Variants in FGGY observed in about 807,000 individuals in gnomAD.
FGGY encodes the protein FGGY carbohydrate kinase domain-containing protein.
Under a neutral mutation model 71.3 loss-of-function variants are expected in FGGY, and 72 were observed. The ratio of observed to expected loss-of-function variants is 1.01; its 90% CI spans 0.84 to 1.23. The LOEUF (loss-of-function observed/expected upper bound fraction) is 1.23, where lower values mean the gene tolerates loss of function less well. Among genes scored for constraint, FGGY ranks in the 50% most tolerant of loss-of-function variants. The probability of loss-of-function intolerance (pLI) is 0.00; values close to 1 mark genes in which losing one functional copy is unlikely to be tolerated. For synonymous variants in FGGY, 251 were observed against 250.3 expected (o/e 1.00, Z -0.02); for missense variants, 668 against 682.3 (o/e 0.98, Z 0.23).
At chr1:59,418,720 TTG>T (rs1342393511) in intron 5 of FGGY, among the ~76,000 whole-genome samples, 3 of 151,584 alleles carry the variant, frequency 2.0e-5, no homozygotes, top group Non-Finnish European at 2.9e-5. Context: ...TTTTCTTTTT[TTG>T]TGTGTGTGTG....
intron 3 of FGGY, among the ~76,000 whole-genome samples, chr1:59,343,696 C>T (rs1465745794): frequency 6.6e-6 from 1 of 152,076 alleles, no homozygotes; most frequent in Admixed American, 6.5e-5. Context: ...TTTCAGTTTT[C>T]CATAAGAGCT....
chr1:59,467,677 C>T (rs1433455737), intron 6 of FGGY, among the ~76,000 whole-genome samples: 1 of 152,044 alleles, frequency 6.6e-6, no homozygotes, highest in Non-Finnish European at 1.5e-5. Flanking sequence ...ACACTTTCTT[C>T]CCCACCACTG....
At chr1:59,522,749 G>A (rs919815847) in intron 7 of FGGY, among the ~76,000 whole-genome samples, 4 of 152,170 alleles carry the variant, frequency 2.6e-5, no homozygotes, top group African/African-American at 9.7e-5. Context: ...CTTCGAGGAG[G>A]TGAAGGGATT....
At chr1:59,301,624 AT>A (rs1201514570) in intron 1 of FGGY, among the ~76,000 whole-genome samples, 6 of 147,088 alleles carry the variant, frequency 4.1e-5, no homozygotes, top group Admixed American at 4.0e-4. Context: ...GTTTCATTGT[AT>A]TCCTACTTTA....
intron 6 of FGGY, among the ~76,000 whole-genome samples, chr1:59,500,663 C>CAAAAA (rs922111998): frequency 2.0e-4 from 9 of 44,722 alleles, no homozygotes; most frequent in Admixed American, 3.0e-4. Context: ...GCCTTCTTGC[C>CAAAAA]AAAAAAAAAA....
rs550362881 is a variant in FGGY, at chr1:59,404,906, C to T, written c.554+26069C>T. ...CGTACTGCCGCTGAGCTCACATCCA[C>T]GCTGTGCATGCTGGGCTGAGTTCTC... On this transcript the variant is annotated intron_variant, in intron 5 of 15. Coordinates refer to ENST00000303721, the MANE Select transcript of FGGY (RefSeq NM_018291.5). 2.6e-4 allele frequency among the ~76,000 whole-genome samples: 40 copies of T among 152,278 alleles called. 1 individual carries two copies. The South Asian group carries it at 6.8e-3, about 26-fold the overall frequency.
chr1:59,631,033 A>C (rs1188052814), intron 10 of FGGY, among the ~76,000 whole-genome samples: 3 of 152,028 alleles, frequency 2.0e-5, no homozygotes, highest in African/African-American at 7.2e-5. Context: ...AGTGACCTCT[A>C]TTTTGCTAAG....
intron 8 of FGGY, among the ~76,000 whole-genome samples, chr1:59,589,214 G>A (rs1016585116): frequency 6.7e-5 from 10 of 149,790 alleles, no homozygotes; most frequent in African/African-American, 2.5e-4. Context: ...TAATGGTAAA[G>A]GGATCAATTC....
At chr1:59,300,076 A>T (rs1282667369) in intron 1 of FGGY, among the ~76,000 whole-genome samples, 2 of 152,226 alleles carry the variant, frequency 1.3e-5, no homozygotes, top group African/African-American at 4.8e-5. Flanking sequence ...ATAAGAAGGA[A>T]TGTAGTCATC....
chr1:59,617,723 C>T (rs992147924), intron 9 of FGGY, among the ~76,000 whole-genome samples: 3 of 152,016 alleles, frequency 2.0e-5, no homozygotes, highest in African/African-American at 4.8e-5. Context: ...GTTTGTCTCA[C>T]GTGGAGTGAT....
chr1:59,646,718 T>C (rs2097098189), intron 11 of FGGY, among the ~76,000 whole-genome samples: 1 of 152,092 alleles, frequency 6.6e-6, no homozygotes, highest in East Asian at 1.9e-4. Flanking sequence ...CAAGACAATG[T>C]TGTTGTCCCA....
chr1:59,472,251 A>C (rs1387142126), intron 6 of FGGY, among the ~76,000 whole-genome samples: 1 of 152,144 alleles, frequency 6.6e-6, no homozygotes, highest in Non-Finnish European at 1.5e-5. Flanking sequence ...GGCCCAGGGC[A>C]GTGAGGGGCT....
intron 5 of FGGY, among the ~76,000 whole-genome samples, chr1:59,427,326 C>T (rs1366050433): frequency 6.6e-6 from 1 of 152,180 alleles, no homozygotes; most frequent in East Asian, 1.9e-4. Context: ...TGGGAATCTG[C>T]CTGCCTGACA....
chr1:59,666,981 A>G (rs1304543589), intron 12 of FGGY, among the ~76,000 whole-genome samples: 5 of 152,236 alleles, frequency 3.3e-5, no homozygotes, highest in African/African-American at 7.2e-5. Flanking sequence ...TGAATGAACT[A>G]TGTTACCATT....
At chr1:59,481,846 A>T (rs600809) in intron 6 of FGGY, among the ~76,000 whole-genome samples, 76,929 of 151,944 alleles carry the variant, frequency 0.51, 20,000 homozygotes, top group African/African-American at 0.62. Flanking sequence ...ATCTTACCCC[A>T]GTGTATATGA....
At chr1:59,751,932 C>T (rs1364872415) in intron 14 of FGGY, among the ~76,000 whole-genome samples, 2 of 152,198 alleles carry the variant, frequency 1.3e-5, no homozygotes, top group African/African-American at 4.8e-5. Flanking sequence ...TAACCTGGAA[C>T]ATGCAAACGA....
chr1:59,524,796 C>T (rs1309798742), intron 7 of FGGY, among the ~76,000 whole-genome samples: 1 of 152,226 alleles, frequency 6.6e-6, no homozygotes, highest in Non-Finnish European at 1.5e-5. Flanking sequence ...TTCTCTCCAC[C>T]TTGCTCACCC....
rs199825170 is a variant in FGGY, at chr1:59,442,416, GTTTGTTTTTGTT to G, written c.555-14518_555-14507del. ...TAATTTTAAGGCCATTTTCCTGTTTGTTTGTTTTTGTTTTTGTTTTTGTTTTTGTTTTTGTTT... is the reference window on the plus strand; with the variant it reads ...TAATTTTAAGGCCATTTTCCTGTTTGTTTGTTTTTGTTTTTGTTTTTGTTT... On this transcript the variant is annotated intron_variant, in intron 5 of 15. Coordinates refer to ENST00000303721, the MANE Select transcript of FGGY (RefSeq NM_018291.5). 3.7e-3 allele frequency among the ~76,000 whole-genome samples: 567 copies of G among 152,010 alleles called. 2 individuals are homozygous for G. Among genetic ancestry groups the G allele is most frequent in the South Asian group, 0.015 (70 of 4,820 alleles).
chr1:59,553,025 G>C (rs551511270), intron 7 of FGGY, among the ~76,000 whole-genome samples: 1 of 152,302 alleles, frequency 6.6e-6, no homozygotes, highest in South Asian at 2.1e-4. Context: ...TGTCCTAGAG[G>C]GTCAGGGAAG....
Sources: gnomAD v4.1 joint callset for allele counts (sites outside exome capture counted in the v4.1 genomes callset) on GRCh38, gnomAD v4.1.1 for gene constraint, MANE v1.5 for transcripts, NCBI Gene and HGNC (gene_info 2026-07-23, HGNC 2026-07-21) for gene names.